The following NDUFAF7 variants were observed in gnomAD, a reference collection of about 807,000 sequenced individuals.
NDUFAF7 encodes protein arginine methyltransferase NDUFAF7, mitochondrial.
NDUFAF7 carries 48 observed loss-of-function variants against 47.2 expected under a neutral mutation model. The ratio of observed to expected loss-of-function variants is 1.02; its 90% CI spans 0.81 to 1.29. The LOEUF is 1.29. Among genes scored for constraint, NDUFAF7 ranks in the 50% most tolerant of loss-of-function variants. The pLI, the probability that NDUFAF7 is intolerant of heterozygous loss-of-function variation, is 0.00. For synonymous variants in NDUFAF7, 217 were observed against 190.0 expected (o/e 1.14, Z -1.17); for missense variants, 635 against 537.6 (o/e 1.18, Z -1.79).
the NDUFAF7 span, chr2:37,269,482 A>G: frequency 5.6e-6 from 4 of 714,102 alleles, no homozygotes; most frequent in Non-Finnish European, 9.8e-6. Context: ...GATTTAGCTG[A>G]AAGATAACAA....
At chr2:37,257,148 C>CG (rs1257276056), downstream of NDUFAF7, among the ~76,000 whole-genome samples, 1 of 152,106 alleles carries the variant, frequency 6.6e-6, no homozygotes, top group African/African-American at 2.4e-5. Flanking sequence ...AAGAGCTTTC[C>CG]TAGTACATAT....
At position 37,237,741 on chromosome 2, in the gene NDUFAF7, T is replaced by A. The variant is rs750820778; in HGVS notation, c.298-16T>A. 143 of 1,507,774 alleles carry A rather than the reference T, an allele frequency of 9.5e-5. No individual in the cohort carries two copies. Among genetic ancestry groups the A allele is most frequent in the Non-Finnish European group, 1.2e-4 (130 of 1,083,768 alleles). 93.4% of individuals were successfully genotyped at this position (1,507,774 alleles called of 1,614,324 possible). On this transcript the variant is annotated splice_polypyrimidine_tract_variant and intron_variant, in intron 3 of 9. Transcript: ENST00000002125. ...TATAATACTTTAATATGTGTTTTTT[T>A]TTTCCCTTTTCACAGCTACTAGGTA... is the stretch of plus-strand genomic sequence containing the variant.
At chr2:37,265,047 T>C in the NDUFAF7 span, among the ~76,000 whole-genome samples, 1 of 152,128 alleles carries the variant, frequency 6.6e-6, no homozygotes, top group Non-Finnish European at 1.5e-5. Context: ...TCTAAGTATG[T>C]GGGCATGGGA....
At chr2:37,253,866 A>G (rs1043682631), downstream of NDUFAF7, among the ~76,000 whole-genome samples, 1 of 152,352 alleles carries the variant, frequency 6.6e-6, no homozygotes, top group South Asian at 2.1e-4. Context: ...TAAGCCAAAC[A>G]TTTTTAAAAA....
downstream of NDUFAF7, among the ~76,000 whole-genome samples, chr2:37,250,155 A>C (rs1667364256): frequency 6.6e-6 from 1 of 151,996 alleles, no homozygotes; most frequent in Non-Finnish European, 1.5e-5. Flanking sequence ...CACTAAAGTA[A>C]AGGAAGACGG....
chr2:37,250,984 C>T (rs950199489), downstream of NDUFAF7: 1 of 152,526 alleles, frequency 6.6e-6, no homozygotes. Context: ...ACAACAAATA[C>T]AAAGAGTGCA....
At chr2:37,260,414 A>C in the NDUFAF7 span, 13 of 1,574,512 alleles carry the variant, frequency 8.3e-6, no homozygotes, top group Non-Finnish European at 9.6e-6. Flanking sequence ...TACATGAGCA[A>C]CTTAAGCAGA....
At chr2:37,267,626 T>G in the NDUFAF7 span, 18 of 941,672 alleles carry the variant, frequency 1.9e-5, no homozygotes, top group African/African-American at 3.0e-4. Context: ...ATGTATTTAC[T>G]CTTGAATTTT....
downstream of NDUFAF7, among the ~76,000 whole-genome samples, chr2:37,249,643 GACACAC>G (rs56208997): frequency 9.2e-3 from 1,217 of 132,612 alleles, 11 homozygotes; most frequent in Non-Finnish European, 0.013. Flanking sequence ...CTGTGATAGA[GACACAC>G]ACACACACAC....
downstream of NDUFAF7, among the ~76,000 whole-genome samples, chr2:37,257,120 CCTGA>C (rs1478147940): frequency 1.3e-5 from 2 of 152,146 alleles, no homozygotes; most frequent in Admixed American, 1.3e-4. Flanking sequence ...GCCCTGTGAT[CCTGA>C]CTGACACAGT....
the NDUFAF7 span, among the ~76,000 whole-genome samples, chr2:37,263,031 T>C: frequency 1.3e-5 from 2 of 152,132 alleles, no homozygotes; most frequent in Non-Finnish European, 2.9e-5. Context: ...TTATTTCTTT[T>C]CTGTATTTAT....
In NDUFAF7 at chr2:37,247,296, T is replaced by C. The variant is rs148691092; in HGVS notation, c.937-160T>C. 12 of 803,314 alleles carry C rather than the reference T, an allele frequency of 1.5e-5. No homozygotes were observed. In the East Asian group the frequency reaches 2.2e-4, roughly 14 times the overall value. 49.8% of individuals were successfully genotyped at this position (803,314 alleles called of 1,614,324 possible). A position where few individuals can be genotyped will look rare whatever the true frequency, so the allele number is the denominator to read the frequency against. ...TGATGCATGGTTGATGCATATACTT[T>C]GTAAAACACTGCCTAGGTGTTCCCT... On this transcript the variant is annotated intron_variant, in intron 8 of 9. Transcript: ENST00000002125.
intron 9 of NDUFAF7, among the ~76,000 whole-genome samples, 182 bp from the exon 10 acceptor site, chr2:37,247,953 C>T (rs1257382075): frequency 6.6e-6 from 1 of 152,196 alleles, no homozygotes; most frequent in Non-Finnish European, 1.5e-5. Flanking sequence ...AAATGCAAAT[C>T]CTTAGGTTTG....
chr2:37,234,213 C>CCGAG (rs1390753310), intron 2 of NDUFAF7, among the ~76,000 whole-genome samples: 1 of 152,122 alleles, frequency 6.6e-6, no homozygotes, highest in African/African-American at 2.4e-5. Context: ...CCTCAGCCTC[C>CCGAG]CGAGTAGTTG....
downstream of NDUFAF7, among the ~76,000 whole-genome samples, chr2:37,257,658 C>A (rs1668069433): frequency 1.0e-5 from 1 of 97,690 alleles, no homozygotes; most frequent in African/African-American, 3.7e-5. Flanking sequence ...AGAGTGAAGA[C>A]TCTGTCTCAA....
the NDUFAF7 span, among the ~76,000 whole-genome samples, chr2:37,265,739 T>A: frequency 0.14 from 22,027 of 152,188 alleles, 2,232 homozygotes; most frequent in East Asian, 0.35. Flanking sequence ...TTAAATTTAG[T>A]ATGAAAATAG....
downstream of NDUFAF7, chr2:37,250,419 G>A (rs1667393257): frequency 6.6e-6 from 1 of 152,106 alleles, no homozygotes; most frequent in African/African-American, 2.4e-5. Context: ...CCTTCTGGTA[G>A]TATAACAGTT....
chr2:37,249,667 C>T (rs1558511017), downstream of NDUFAF7, among the ~76,000 whole-genome samples: 1 of 151,308 alleles, frequency 6.6e-6, no homozygotes, highest in East Asian at 1.9e-4. Context: ...CACACACACA[C>T]ACACACACAC....
chr2:37,269,961 C>T, the NDUFAF7 span, among the ~76,000 whole-genome samples: 1 of 152,188 alleles, frequency 6.6e-6, no homozygotes, highest in African/African-American at 2.4e-5. Context: ...GGCGTGGTGG[C>T]TCACGCCTGT....
Sources: gnomAD v4.1 joint callset for allele counts (sites outside exome capture counted in the v4.1 genomes callset) on GRCh38, gnomAD v4.1.1 for gene constraint, MANE v1.5 for transcripts, NCBI Gene and HGNC (gene_info 2026-07-23, HGNC 2026-07-21) for gene names.